The following MERTK variants were observed in gnomAD, a reference collection of about 807,000 sequenced individuals.
MERTK encodes tyrosine-protein kinase Mer.
In MERTK, 69 loss-of-function variants were observed where a neutral mutation model predicts 99.3. The ratio of observed to expected loss-of-function variants is 0.70; its 90% CI spans 0.57 to 0.85. The LOEUF (loss-of-function observed/expected upper bound fraction) is 0.85, where lower values mean the gene tolerates loss of function less well. MERTK is among the 40% of genes least tolerant of loss of function. The pLI, the probability that MERTK is intolerant of heterozygous loss-of-function variation, is 0.00. For missense variants in MERTK, 1,125 were observed against 1,249.4 expected (o/e 0.90, Z 1.50); for synonymous variants, 426 against 467.6 (o/e 0.91, Z 1.15).
chr2:111,940,753 T>G, intron 2 of MERTK: 1 of 937,368 alleles, frequency 1.1e-6, no homozygotes, highest in Non-Finnish European at 1.8e-6. Context: ...TTTTTCAGCA[T>G]TATCTCCATA....
intron 2 of MERTK, chr2:111,940,442 C>T: frequency 1.8e-6 from 1 of 550,096 alleles, no homozygotes; most frequent in Non-Finnish European, 3.7e-6. Context: ...TGAGTAGCTT[C>T]ATTAAGAACT....
At chr2:112,028,200 T>C in intron 18 of MERTK, 151 bp from the exon 19 acceptor site, 2 of 840,308 alleles carry the variant, frequency 2.4e-6, no homozygotes, top group Non-Finnish European at 3.7e-6. Context: ...TGTATAAATA[T>C]TAGGCCACCA....
intron 15 of MERTK, among the ~76,000 whole-genome samples, chr2:112,016,572 G>A (rs1467415801): frequency 1.3e-5 from 2 of 152,154 alleles, no homozygotes; most frequent in East Asian, 3.8e-4. Flanking sequence ...CTCCAGGAGG[G>A]CTAGGGTGCT....
chr2:111,929,753 A>ATTT (rs72180817), intron 2 of MERTK, among the ~76,000 whole-genome samples: 1 of 143,302 alleles, frequency 7.0e-6, no homozygotes, highest in Middle Eastern at 3.6e-3. Context: ...CACCCAGCTA[A>ATTT]TTTTTTTTTT....
chr2:111,992,342 A>G (rs1489308458), intron 8 of MERTK, among the ~76,000 whole-genome samples: 1 of 151,658 alleles, frequency 6.6e-6, no homozygotes, highest in Non-Finnish European at 1.5e-5. Context: ...CAGGTAGTGG[A>G]ATACGTGGAG....
intron 18 of MERTK, chr2:112,024,834 G>A (rs1282632892): frequency 6.5e-6 from 1 of 153,174 alleles, no homozygotes; most frequent in African/African-American, 2.4e-5. Context: ...AGAGGCTGAG[G>A]TGGGAGGATC....
intron 13 of MERTK, among the ~76,000 whole-genome samples, chr2:112,005,710 C>G (rs1177020967): frequency 6.6e-6 from 1 of 152,142 alleles, no homozygotes; most frequent in Admixed American, 6.6e-5. Flanking sequence ...TGTCAATATT[C>G]TTGATGTTGC....
intron 1 of MERTK, among the ~76,000 whole-genome samples, chr2:111,911,997 C>CTTTATGTA (rs1684258956): frequency 6.7e-6 from 1 of 148,256 alleles, no homozygotes; most frequent in Non-Finnish European, 1.5e-5. Flanking sequence ...CTTCCAATCG[C>CTTTATGTA]TTTATTTATT....
intron 10 of MERTK, among the ~76,000 whole-genome samples, chr2:112,000,197 G>A (rs568685782): frequency 2.0e-5 from 3 of 152,170 alleles, no homozygotes; most frequent in East Asian, 1.9e-4. Flanking sequence ...GGGTGTATAC[G>A]TGCAGGTCAC....
At chr2:111,998,046 C>A (rs982329738) in intron 10 of MERTK, among the ~76,000 whole-genome samples, 4 of 152,152 alleles carry the variant, frequency 2.6e-5, no homozygotes, top group African/African-American at 9.7e-5. Flanking sequence ...TTGGAGGGGG[C>A]TGAGCCTCCC....
At chr2:111,933,358 A>G (rs1684708273) in intron 2 of MERTK, among the ~76,000 whole-genome samples, 1 of 152,208 alleles carries the variant, frequency 6.6e-6, no homozygotes, top group Admixed American at 6.5e-5. Context: ...CAATATAAGT[A>G]ATTTTGTTAG....
chr2:111,944,707 C>T (rs13404771), intron 2 of MERTK, among the ~76,000 whole-genome samples: 7,274 of 152,190 alleles, frequency 0.048, 162 homozygotes, highest in African/African-American at 0.059. Flanking sequence ...TGGATGGGGC[C>T]TGCCCCCATC....
Position 111,923,155 on chromosome 2 carries a change from A to G in MERTK, c.62-5965A>G, listed in dbSNP as rs533737600. ...GTTTGCTGCATGTGACTCCATGCCA[A>G]TCATCATGATGGGTTCAGATGATGC... On this transcript the variant is annotated intron_variant, in intron 1 of 18. Coordinates refer to ENST00000295408, the MANE Select transcript of MERTK (RefSeq NM_006343.3). Among the ~76,000 whole-genome samples, 13 of 152,290 alleles carry G rather than the reference A, an allele frequency of 8.5e-5. No individual in the cohort carries two copies. In the South Asian group the frequency reaches 1.7e-3, roughly 19 times the overall value.
chr2:112,018,269 TC>T (rs1677259137), intron 15 of MERTK, among the ~76,000 whole-genome samples: 2 of 152,172 alleles, frequency 1.3e-5, no homozygotes, highest in South Asian at 4.1e-4. Flanking sequence ...ACAGAAGTGT[TC>T]TAGGAAAAAA....
At chr2:111,987,022 C>T (rs1439033790) in intron 8 of MERTK, among the ~76,000 whole-genome samples, 1 of 152,184 alleles carries the variant, frequency 6.6e-6, no homozygotes, top group Non-Finnish European at 1.5e-5. Flanking sequence ...CTTCAATTTC[C>T]TTCATCTCAG....
At chr2:111,909,368 A>G (rs1019824816) in intron 1 of MERTK, among the ~76,000 whole-genome samples, 2 of 152,210 alleles carry the variant, frequency 1.3e-5, no homozygotes, top group African/African-American at 2.4e-5. Flanking sequence ...TTGACTCATG[A>G]CAAGATAACA....
chr2:111,997,417 T>G lies in MERTK; in HGVS notation c.1545T>G (p.Ile515Met). 1 of 1,614,116 alleles carries G rather than the reference T, an allele frequency of 6.2e-7. No individual in the cohort carries two copies. Among genetic ancestry groups the G allele is most frequent in the Non-Finnish European group, 8.5e-7 (1 of 1,179,976 alleles). Residue 515 changes from isoleucine to methionine, a missense_variant, in exon 10 of 19, where the codon ATT becomes ATG. By Grantham distance (10) the Ile-to-Met change is conservative. Transcript: ENST00000295408. ...IFGCFCGFIL[I>M]GLILYISLAI... The stretch of plus-strand genomic sequence containing the variant: ...GCTGCTTTTGTGGATTTATTTTGAT[T>G]GGGTTGATTTTATACATCTCCTTGG...
chr2:111,941,769 C>G (rs1684870490), intron 2 of MERTK, among the ~76,000 whole-genome samples: 2 of 152,204 alleles, frequency 1.3e-5, no homozygotes, highest in Admixed American at 6.5e-5. Context: ...CTAATTAATG[C>G]AGGTGCCTAT....
Position 111,908,931 on chromosome 2 carries a change from ACAAG to A in MERTK, c.61+10139_61+10142del, listed in dbSNP as rs1684190584. 2.0e-5 allele frequency among the ~76,000 whole-genome samples: 3 copies of A among 152,362 alleles called. No homozygotes were observed. The South Asian group carries it at 6.2e-4, about 32-fold the overall frequency. Reference sequence around the variant, plus strand: ...GACTGGAACATCTCAACAGCAAAAAACAAGCAATCCGATTAAAAAATGAACAAGT... The same window carrying A: ...GACTGGAACATCTCAACAGCAAAAAACAATCCGATTAAAAAATGAACAAGT... On this transcript the variant is annotated intron_variant, in intron 1 of 18. Transcript: ENST00000295408.
Sources: allele counts gnomAD v4.1 joint callset (sites outside exome capture counted in the v4.1 genomes callset), GRCh38; gene constraint gnomAD v4.1.1; transcripts MANE v1.5; gene names NCBI Gene and HGNC (gene_info 2026-07-23, HGNC 2026-07-21).